The following ZNF331 variants were observed in gnomAD, a reference collection of about 807,000 sequenced individuals.
ZNF331 encodes C2H2-like zinc finger protein rearranged in thyroid adenomas.
In ZNF331, 2 loss-of-function variants were observed where a neutral mutation model predicts 7.0. The ratio of observed to expected loss-of-function variants is 0.29; its 90% CI spans 0.12 to 0.90. The LOEUF (loss-of-function observed/expected upper bound fraction) is 0.90, where lower values mean the gene tolerates loss of function less well. ZNF331 is among the 40% of genes least tolerant of loss of function. The pLI, the probability that ZNF331 is intolerant of heterozygous loss-of-function variation, is 0.58. For synonymous variants in ZNF331, 196 were observed against 205.4 expected (o/e 0.95, Z 0.39); for missense variants, 432 against 587.7 (o/e 0.74, Z 2.74).
chr19:53,568,046 T>G (rs1037811196), intron 3 of ZNF331, among the ~76,000 whole-genome samples: 1 of 151,846 alleles, frequency 6.6e-6, no homozygotes, highest in Non-Finnish European at 1.5e-5. Context: ...GTCGGGAGTT[T>G]GAGACCAGCC....
At position 53,573,261 on chromosome 19, in the gene ZNF331, G is replaced by A. The variant is rs560241812; in HGVS notation, c.136+1531G>A. Among the ~76,000 whole-genome samples the A allele has an allele frequency of 6.6e-6, 1 of 152,040 alleles. No individual in the cohort carries two copies. Among genetic ancestry groups the A allele is most frequent in the South Asian group, 2.1e-4 (1 of 4,806 alleles). ...AGGCCGGGTGCGGTGGCTCACTCCT[G>A]TGATCACAAGACTGGCAGGCCAAGG... On this transcript the variant is annotated intron_variant, in intron 5 of 5. Transcript: ENST00000449416. The surrounding 1 kb of genome is among the most constrained non-coding windows in gnomAD (Gnocchi z 4.2).
intron 5 of ZNF331, among the ~76,000 whole-genome samples, chr19:53,575,499 C>CTTTTTTTTTTTT (rs34296898): frequency 1.3e-5 from 1 of 75,870 alleles, no homozygotes; most frequent in Non-Finnish European, 2.5e-5. Context: ...TACCCAGTTG[C>CTTTTTTTTTTTT]TTTTTTTTTT....
At chr19:53,514,574 C>A, upstream of ZNF331, among the ~76,000 whole-genome samples, 1 of 152,014 alleles carries the variant, frequency 6.6e-6, no homozygotes, top group Admixed American at 6.6e-5. Context: ...CCTTCAATGA[C>A]GTCCAATGTC....
At chr19:53,541,754 G>A (rs867011084) in intron 2 of ZNF331, among the ~76,000 whole-genome samples, 10 of 152,102 alleles carry the variant, frequency 6.6e-5, no homozygotes, top group African/African-American at 2.4e-4. Context: ...ATTTTAAATG[G>A]CCAGCACTTT....
At chr19:53,505,207 C>T in the ZNF331 span, among the ~76,000 whole-genome samples, 2 of 152,154 alleles carry the variant, frequency 1.3e-5, no homozygotes, top group East Asian at 3.9e-4. Flanking sequence ...CACCGCACTA[C>T]AGCAGGTCTG....
intron 3 of ZNF331, among the ~76,000 whole-genome samples, chr19:53,562,674 G>A (rs2089950815): frequency 6.7e-6 from 1 of 149,450 alleles, no homozygotes. Flanking sequence ...TGGGCAACAA[G>A]AGCAAAATCC....
chr19:53,559,649 A>G (rs1340087929), intron 3 of ZNF331, among the ~76,000 whole-genome samples: 1 of 149,674 alleles, frequency 6.7e-6, no homozygotes, highest in Non-Finnish European at 1.5e-5. Flanking sequence ...CCATATATAC[A>G]CAGCTACATA....
At chr19:53,519,671 G>A (rs2086993235), upstream of ZNF331, among the ~76,000 whole-genome samples, 1 of 152,184 alleles carries the variant, frequency 6.6e-6, no homozygotes, top group African/African-American at 2.4e-5. Context: ...AGAGACATCT[G>A]AAGAGCCAGG....
chr19:53,514,133 G>C, the ZNF331 span, among the ~76,000 whole-genome samples: 3 of 152,086 alleles, frequency 2.0e-5, no homozygotes, highest in Admixed American at 2.0e-4. Flanking sequence ...TCTGTATCCA[G>C]GTTATTGTGG....
At chr19:53,567,542 C>T (rs2090215819) in intron 3 of ZNF331, among the ~76,000 whole-genome samples, 1 of 152,090 alleles carries the variant, frequency 6.6e-6, no homozygotes, top group African/African-American at 2.4e-5. Flanking sequence ...CTCAAACCGC[C>T]CTCAGGTTCA....
the ZNF331 span, among the ~76,000 whole-genome samples, chr19:53,509,960 A>T: frequency 3.2e-4 from 49 of 152,190 alleles, no homozygotes; most frequent in Non-Finnish European, 6.9e-4. Flanking sequence ...ACACACTTCT[A>T]AGCCATCAGA....
chr19:53,580,017 A>G lies in ZNF331; in HGVS notation c.*2065A>G. On this transcript the variant is annotated 3_prime_UTR_variant, in exon 6 of 6. Coordinates refer to ENST00000449416, the MANE Select transcript of ZNF331 (RefSeq NM_001079906.2). ...ATGTCATTGCTCCTCAAGGAACTGTAGAGTAAAACCACAATGTGCTGTCAC... is the reference window on the plus strand; with the variant it reads ...ATGTCATTGCTCCTCAAGGAACTGTGGAGTAAAACCACAATGTGCTGTCAC... 4.7e-6 allele frequency: 1 copy of G among 210,922 alleles called. No individual in the cohort carries two copies. Among genetic ancestry groups the G allele is most frequent in the Non-Finnish European group, 9.6e-6 (1 of 103,880 alleles). 13.1% of individuals were successfully genotyped at this position (210,922 alleles called of 1,614,324 possible). A position where few individuals can be genotyped will look rare whatever the true frequency, so the allele number is the denominator to read the frequency against.
At chr19:53,528,785 A>G (rs910419592) in intron 2 of ZNF331, among the ~76,000 whole-genome samples, 2 of 132,982 alleles carry the variant, frequency 1.5e-5, no homozygotes, top group Non-Finnish European at 3.2e-5. Context: ...ACTGTCAGAT[A>G]TTTCTTTTTT....
chr19:53,533,526 A>G (rs1472690039), upstream of ZNF331, among the ~76,000 whole-genome samples: 2 of 152,186 alleles, frequency 1.3e-5, no homozygotes, highest in African/African-American at 4.8e-5. Context: ...GTAAAATTCA[A>G]TTCCAGTGTT....
intron 2 of ZNF331, among the ~76,000 whole-genome samples, chr19:53,546,760 G>T (rs541420461): frequency 6.6e-6 from 1 of 152,282 alleles, no homozygotes; most frequent in Admixed American, 6.5e-5. Flanking sequence ...TTTAAGAGCG[G>T]AGTTTGAGCT....
upstream of ZNF331, among the ~76,000 whole-genome samples, chr19:53,536,705 G>A (rs1056478065): frequency 6.6e-6 from 1 of 152,154 alleles, no homozygotes; most frequent in African/African-American, 2.4e-5. Flanking sequence ...TTCGAGTCCA[G>A]CCTGACCAAC....
chr19:53,546,426 C>T (rs888768602), intron 2 of ZNF331, among the ~76,000 whole-genome samples: 5 of 151,982 alleles, frequency 3.3e-5, no homozygotes, highest in Admixed American at 6.6e-5. Context: ...CCTCTCTGTA[C>T]CCCCTGGTTG....
At chr19:53,512,622 C>G in the ZNF331 span, 1 of 146,806 alleles carries the variant, frequency 6.8e-6, no homozygotes, top group African/African-American at 2.5e-5. Flanking sequence ...TAATCTAGAC[C>G]AGGGATCCCC....
chr19:53,510,431 CTTTT>C, the ZNF331 span, among the ~76,000 whole-genome samples: 201 of 137,958 alleles, frequency 1.5e-3, no homozygotes, highest in African/African-American at 3.9e-3. Context: ...GAAACTTGAA[CTTTT>C]TTTTTTTTTT....
Sources: allele counts gnomAD v4.1 joint callset (sites outside exome capture counted in the v4.1 genomes callset), GRCh38; gene constraint gnomAD v4.1.1; non-coding constraint Gnocchi (gnomAD v3.1); transcripts MANE v1.5; gene names NCBI Gene and HGNC (gene_info 2026-07-23, HGNC 2026-07-21).